RAPGEF4: variants seen among roughly 807,000 people sequenced by gnomAD.
The protein encoded by RAPGEF4 is RAP guanine-nucleotide-exchange factor (GEF) 4.
In RAPGEF4, 66 loss-of-function variants were observed where a neutral mutation model predicts 147.9. That is an observed-to-expected ratio of 0.45 (90% CI 0.37 to 0.55). The LOEUF is 0.55. RAPGEF4 is among the 20% of genes least tolerant of loss of function. The pLI, the probability that RAPGEF4 is intolerant of heterozygous loss-of-function variation, is 0.00. For synonymous variants in RAPGEF4, 419 were observed against 442.7 expected, an observed-to-expected ratio of 0.95 and a Z score of 0.67; for missense variants, 1,071 against 1,257.3, an observed-to-expected ratio of 0.85 and a Z score of 2.24.
At chr2:172,957,175 G>A (rs1327134277) in intron 6 of RAPGEF4, among the ~76,000 whole-genome samples, 1 of 152,196 alleles carries the variant, frequency 6.6e-6, no homozygotes, top group Non-Finnish European at 1.5e-5. Flanking sequence ...ATGTAAAGGA[G>A]CATGTGTGCA....
At chr2:172,979,371 A>T (rs376636485) in intron 10 of RAPGEF4, among the ~76,000 whole-genome samples, 20 of 152,344 alleles carry the variant, frequency 1.3e-4, no homozygotes, top group South Asian at 1.2e-3. Flanking sequence ...CACTCATACG[A>T]TGAGCCATAT....
In RAPGEF4 at chr2:172,750,820, TA is replaced by T. The variant is rs536408542; in HGVS notation, c.65+14778del. Among the ~76,000 whole-genome samples, 201 of 152,354 alleles carry T rather than the reference TA, an allele frequency of 1.3e-3. 1 individual carries two copies. The highest frequency in any genetic ancestry group is 6.8e-3 in the Middle Eastern group (2 of 294). ...ATGTCTATTCAGGTGTTTTGCCTGT[TA>T]AAAAAGTCAGATTACTTGTTTTTTT... On this transcript the variant is annotated intron_variant, in intron 1 of 30. Coordinates refer to ENST00000397081, the MANE Select transcript of RAPGEF4 (RefSeq NM_007023.4).
At position 172,797,626 on chromosome 2, in the gene RAPGEF4, A is replaced by G. The variant is rs6433382; in HGVS notation, c.297+13A>G. ...CAGCAGTCACCAGGTAATATGGTCT[A>G]TTTTTTTGAAAGTAGGATTTATTTT... On this transcript the variant is annotated intron_variant, in intron 3 of 30. Transcript: ENST00000397081. 521,871 of 1,589,394 alleles carry G rather than the reference A, an allele frequency of 0.33. 87,652 individuals are homozygous for G. Among genetic ancestry groups the G allele is most frequent in the East Asian group, 0.47 (20,804 of 44,686 alleles).
At chr2:172,947,526 G>A (rs16861062) in intron 6 of RAPGEF4, among the ~76,000 whole-genome samples, 8,541 of 151,890 alleles carry the variant, frequency 0.056, 263 homozygotes, top group African/African-American at 0.08. Flanking sequence ...GAGGTCGGTG[G>A]TGGTAACATT....
chr2:173,004,155 G>C (rs1021717658), intron 17 of RAPGEF4, among the ~76,000 whole-genome samples: 3 of 152,148 alleles, frequency 2.0e-5, no homozygotes, highest in Non-Finnish European at 2.9e-5. Flanking sequence ...TCCACATTGT[G>C]TGTCTCTTCC....
At chr2:172,896,516 A>G (rs948236948) in intron 4 of RAPGEF4, among the ~76,000 whole-genome samples, 1 of 152,130 alleles carries the variant, frequency 6.6e-6, no homozygotes, top group Non-Finnish European at 1.5e-5. Context: ...AAAATGATTA[A>G]TCTTAGGATT....
chr2:173,024,946 T>A (rs555664240), intron 23 of RAPGEF4, among the ~76,000 whole-genome samples: 1 of 152,342 alleles, frequency 6.6e-6, no homozygotes, highest in Admixed American at 6.5e-5. Flanking sequence ...CAAGGGACCA[T>A]CCTGGATGCT....
chr2:173,014,398 T>C, intron 17 of RAPGEF4, 66 bp from the exon 18 acceptor site: 1 of 1,599,980 alleles, frequency 6.3e-7, no homozygotes, highest in Non-Finnish European at 8.5e-7. Flanking sequence ...TGTCACTCTT[T>C]ACCTTTGAAA....
At chr2:173,035,222 G>A (rs1683807899) in intron 27 of RAPGEF4, among the ~76,000 whole-genome samples, 2 of 151,534 alleles carry the variant, frequency 1.3e-5, no homozygotes, top group Admixed American at 1.3e-4. Context: ...AAAAACAGGG[G>A]TCTCGGCCAG....
chr2:172,839,236 T>G (rs548968238), intron 4 of RAPGEF4, among the ~76,000 whole-genome samples: 3 of 152,178 alleles, frequency 2.0e-5, no homozygotes, highest in Middle Eastern at 3.4e-3. Context: ...AGAGGGTTCT[T>G]GGATCTCACA....
chr2:173,015,681 G>A (rs892818814), intron 18 of RAPGEF4, among the ~76,000 whole-genome samples: 8 of 152,170 alleles, frequency 5.3e-5, no homozygotes, highest in Non-Finnish European at 1.0e-4. Flanking sequence ...GCACTGCCAT[G>A]GTTCTCACCT....
At chr2:173,043,230 A>G (rs1193514235) in intron 29 of RAPGEF4, among the ~76,000 whole-genome samples, 1 of 152,260 alleles carries the variant, frequency 6.6e-6, no homozygotes, top group Non-Finnish European at 1.5e-5. Context: ...TGATAGGCAT[A>G]GGTCTGGAGA....
Position 172,771,883 on chromosome 2 carries a change from T to C in RAPGEF4, c.66-23142T>C, listed in dbSNP as rs6759958. 6.6e-3 allele frequency among the ~76,000 whole-genome samples: 1,006 copies of C among 152,348 alleles called. 13 individuals carry two copies. The highest frequency in any genetic ancestry group is 0.022 in the African/African-American group (919 of 41,588). Reference sequence around the variant, plus strand: ...CAGCTAAATAAAAGCCCACATTTGATCTTTAAAGAAAAATGTCTGTTGCTC... The same window carrying C: ...CAGCTAAATAAAAGCCCACATTTGACCTTTAAAGAAAAATGTCTGTTGCTC... On this transcript the variant is annotated intron_variant, in intron 1 of 30. Coordinates refer to ENST00000397081, the MANE Select transcript of RAPGEF4 (RefSeq NM_007023.4).
chr2:172,940,305 T>C (rs574226180), intron 6 of RAPGEF4, among the ~76,000 whole-genome samples: 2 of 152,254 alleles, frequency 1.3e-5, no homozygotes, highest in Admixed American at 6.5e-5. Context: ...CTATTTGATA[T>C]AGTTTGGATG....
At position 172,835,850 on chromosome 2, in the gene RAPGEF4, G is replaced by C. The variant is rs554226466; in HGVS notation, c.444+21425G>C. 5.3e-5 allele frequency among the ~76,000 whole-genome samples: 8 copies of C among 152,234 alleles called. No individual in the cohort carries two copies. In the South Asian group the frequency reaches 1.7e-3, roughly 32 times the overall value. ...AGAAATCAAATTCTCAGTGGCAAGG[G>C]AAGATTGAGATCCAGAAAGAACTAA... On this transcript the variant is annotated intron_variant, in intron 4 of 30. Transcript: ENST00000397081.
chr2:172,837,048 G>A (rs934455308), intron 4 of RAPGEF4, among the ~76,000 whole-genome samples: 6 of 152,102 alleles, frequency 3.9e-5, no homozygotes, highest in African/African-American at 1.4e-4. Context: ...AAGGAGAATG[G>A]CTCATATTGC....
intron 6 of RAPGEF4, among the ~76,000 whole-genome samples, chr2:172,934,236 A>C (rs1377452987): frequency 2.5e-5 from 3 of 122,150 alleles, no homozygotes; most frequent in Non-Finnish European, 4.8e-5. Flanking sequence ...TGCAACCTCC[A>C]CCTCCCAGGT....
At position 172,958,523 on chromosome 2, in the gene RAPGEF4, T is replaced by G. The variant is rs556839126; in HGVS notation, c.538-2237T>G. 2.6e-5 allele frequency among the ~76,000 whole-genome samples: 4 copies of G among 152,350 alleles called. No individual in the cohort carries two copies. In the South Asian group the frequency reaches 8.3e-4, roughly 32 times the overall value. On this transcript the variant is annotated intron_variant, in intron 6 of 30. Transcript: ENST00000397081. ...AGGTGTTAGGTGCAAGTACAGGGAC[T>G]CTGTGAGCTCATAGTCTCTCTCCAT...
At chr2:172,834,337 G>A (rs1402851202) in intron 4 of RAPGEF4, among the ~76,000 whole-genome samples, 1 of 152,182 alleles carries the variant, frequency 6.6e-6, no homozygotes, top group African/African-American at 2.4e-5. Flanking sequence ...ATATAATCAT[G>A]TGTGGAAAAT....
Sources: allele counts gnomAD v4.1 joint callset (sites outside exome capture counted in the v4.1 genomes callset), GRCh38; gene constraint gnomAD v4.1.1; transcripts MANE v1.5; gene names NCBI Gene and HGNC (gene_info 2026-07-23, HGNC 2026-07-21).